NEGR1: variants seen among roughly 807,000 people sequenced by gnomAD.
NEGR1 encodes neuronal growth regulator 1.
In NEGR1, 10 loss-of-function variants were observed where a neutral mutation model predicts 40.9. The observed-to-expected ratio is 0.24, with a 90% CI of 0.15 to 0.42. The LOEUF (loss-of-function observed/expected upper bound fraction) is 0.42. Ranked by LOEUF, NEGR1 falls within the 10% of genes least tolerant of loss-of-function variation. The pLI, the probability that NEGR1 is intolerant of heterozygous loss-of-function variation, is 1.00. For synonymous variants in NEGR1, 185 were observed against 166.8 expected, an observed-to-expected ratio of 1.11 and a Z score of -0.84; for missense variants, 352 against 438.9, an observed-to-expected ratio of 0.80 and a Z score of 1.77.
chr1:71,859,640 G>A (rs1295185668), intron 2 of NEGR1, among the ~76,000 whole-genome samples: 3 of 151,662 alleles, frequency 2.0e-5, no homozygotes, highest in African/African-American at 7.3e-5. Flanking sequence ...GGGTAGATTC[G>A]GCCTGCAGAT....
chr1:71,940,118 G>C (rs1318336600), intron 1 of NEGR1, among the ~76,000 whole-genome samples: 1 of 152,140 alleles, frequency 6.6e-6, no homozygotes, highest in Non-Finnish European at 1.5e-5. Context: ...GGGACAGCAT[G>C]AAGTAACAGT....
intron 1 of NEGR1, among the ~76,000 whole-genome samples, chr1:72,129,550 G>T (rs1212967453): frequency 6.6e-6 from 1 of 152,130 alleles, no homozygotes; most frequent in Non-Finnish European, 1.5e-5. Context: ...GGGCGAACAA[G>T]CTACAAACAG....
chr1:72,145,787 A>C (rs1390455000), intron 1 of NEGR1, among the ~76,000 whole-genome samples: 1 of 152,026 alleles, frequency 6.6e-6, no homozygotes, highest in East Asian at 1.9e-4. Flanking sequence ...AATTATCATA[A>C]AGCAATACTA....
chr1:71,721,906 G>C (rs1654522928), intron 3 of NEGR1, among the ~76,000 whole-genome samples: 1 of 152,104 alleles, frequency 6.6e-6, no homozygotes, highest in African/African-American at 2.4e-5. Context: ...AAAGAGAACA[G>C]TTAGTGCAAG....
intron 6 of NEGR1, among the ~76,000 whole-genome samples, chr1:71,575,343 G>C (rs1481159865): frequency 6.6e-6 from 1 of 152,146 alleles, no homozygotes; most frequent in Non-Finnish European, 1.5e-5. Flanking sequence ...GAAATTTGAG[G>C]GCACAGACAA....
At chr1:71,666,233 T>C (rs957614854) in intron 4 of NEGR1, among the ~76,000 whole-genome samples, 1 of 152,208 alleles carries the variant, frequency 6.6e-6, no homozygotes, top group African/African-American at 2.4e-5. Flanking sequence ...ACAATTTTTC[T>C]ATTACGAAAA....
At chr1:71,783,212 A>C (rs57558712) in intron 2 of NEGR1, among the ~76,000 whole-genome samples, 3 of 152,084 alleles carry the variant, frequency 2.0e-5, no homozygotes, top group African/African-American at 4.8e-5. Context: ...TTGCACTCCC[A>C]TATCTGGTAA....
chr1:72,241,796 A>G (rs1210920390), intron 1 of NEGR1, among the ~76,000 whole-genome samples: 8 of 151,836 alleles, frequency 5.3e-5, no homozygotes, highest in African/African-American at 1.9e-4. Flanking sequence ...ATAAACTGGA[A>G]AAAAAAGTAA....
At chr1:71,534,155 A>G (rs1253755991) in intron 6 of NEGR1, among the ~76,000 whole-genome samples, 1 of 151,548 alleles carries the variant, frequency 6.6e-6, no homozygotes, top group African/African-American at 2.4e-5. Context: ...AACAAACAAA[A>G]CTACAACCCC....
chr1:72,143,914 A>ATATATATATT (rs1491498187), intron 1 of NEGR1, among the ~76,000 whole-genome samples: 6 of 130,602 alleles, frequency 4.6e-5, no homozygotes, highest in South Asian at 2.3e-4. Flanking sequence ...TGATATATAT[A>ATATATATATT]ATATATATAT....
chr1:71,748,746 A>T (rs1196161943), intron 3 of NEGR1, among the ~76,000 whole-genome samples: 1 of 152,126 alleles, frequency 6.6e-6, no homozygotes, highest in African/African-American at 2.4e-5. Context: ...ACATAATTTA[A>T]AATAAATGAA....
chr1:72,212,060 TGATA>T (rs1418855473), intron 1 of NEGR1, among the ~76,000 whole-genome samples: 1 of 151,932 alleles, frequency 6.6e-6, no homozygotes, highest in African/African-American at 2.4e-5. Flanking sequence ...AATATGCTCA[TGATA>T]GATGTGTTCT....
intron 1 of NEGR1, among the ~76,000 whole-genome samples, chr1:72,128,203 A>G (rs979580811): frequency 3.3e-5 from 5 of 152,198 alleles, no homozygotes; most frequent in Non-Finnish European, 7.3e-5. Flanking sequence ...GAGTGTAAAA[A>G]TATAAAAAAA....
chr1:72,091,406 CCCTT>C (rs1197807576), intron 1 of NEGR1, among the ~76,000 whole-genome samples: 1 of 133,284 alleles, frequency 7.5e-6, no homozygotes, highest in African/African-American at 2.7e-5. Context: ...CTCCCTTCCT[CCCTT>C]CCTTCTCTCC....
chr1:71,833,838 C>A (rs1658922312), intron 2 of NEGR1, among the ~76,000 whole-genome samples: 1 of 152,104 alleles, frequency 6.6e-6, no homozygotes. Context: ...CCAGCGCACT[C>A]TCACTGCAGC....
chr1:71,590,486 C>T (rs1027803951), intron 6 of NEGR1, among the ~76,000 whole-genome samples: 1 of 152,004 alleles, frequency 6.6e-6, no homozygotes, highest in Non-Finnish European at 1.5e-5. Flanking sequence ...CAGTCCTACT[C>T]ACCCTTTTCT....
chr1:72,088,674 T>C (rs970994), intron 1 of NEGR1, among the ~76,000 whole-genome samples: 3,085 of 152,184 alleles, frequency 0.02, 97 homozygotes, highest in African/African-American at 0.071. Context: ...CACTAAATCG[T>C]ACCTTCGAAT....
chr1:71,694,442 T>G (rs1653405051), intron 4 of NEGR1, among the ~76,000 whole-genome samples: 1 of 151,770 alleles, frequency 6.6e-6, no homozygotes, highest in African/African-American at 2.4e-5. Flanking sequence ...CCCATTGCAT[T>G]AATGCTTAAA....
intron 4 of NEGR1, among the ~76,000 whole-genome samples, chr1:71,680,784 T>C (rs1652813964): frequency 1.3e-5 from 2 of 152,224 alleles, no homozygotes; most frequent in African/African-American, 4.8e-5. Flanking sequence ...ATAGTTAATA[T>C]TTATTAAAGT....
Sources: allele counts gnomAD v4.1 joint callset (sites outside exome capture counted in the v4.1 genomes callset), GRCh38; gene constraint gnomAD v4.1.1; transcripts MANE v1.5; gene names NCBI Gene and HGNC (gene_info 2026-07-23, HGNC 2026-07-21).